Variants in CRTC1 observed in about 807,000 individuals in gnomAD.
The protein encoded by CRTC1 is CREB regulated transcription coactivator 1.
A neutral mutation model predicts 66.1 loss-of-function variants in CRTC1; 18 were observed. That is an observed-to-expected ratio of 0.27 (90% confidence interval 0.19 to 0.40). The LOEUF is 0.40. Among genes scored for constraint, CRTC1 ranks in the 10% least tolerant of loss-of-function variants. The pLI is 1.00. For missense variants in CRTC1, 669 were observed against 887.9 expected (o/e 0.75, Z 3.13); for synonymous variants, 416 against 398.8 (o/e 1.04, Z -0.51).
At chr19:18,776,502 C>T (rs2054991735) in intron 13 of CRTC1, among the ~76,000 whole-genome samples, 1 of 152,200 alleles carries the variant, frequency 6.6e-6, no homozygotes. Context: ...ATTTAGTGCT[C>T]CCCCACTGTG....
At chr19:18,718,984 C>T (rs1022106057) in intron 1 of CRTC1, among the ~76,000 whole-genome samples, 1 of 152,120 alleles carries the variant, frequency 6.6e-6, no homozygotes, top group Non-Finnish European at 1.5e-5. Context: ...GTCTCGGCAG[C>T]CACTTGCAGA....
intron 1 of CRTC1, among the ~76,000 whole-genome samples, chr19:18,714,779 G>A (rs182005119): frequency 5.9e-5 from 9 of 152,292 alleles, no homozygotes; most frequent in Admixed American, 2.6e-4. Context: ...GATGACCCCC[G>A]GGGAACCTCC....
intron 6 of CRTC1, among the ~76,000 whole-genome samples, chr19:18,756,938 A>C (rs543423581): frequency 6.6e-6 from 1 of 152,312 alleles, no homozygotes; most frequent in African/African-American, 2.4e-5. Flanking sequence ...CTCAGAATGA[A>C]GGAGGCTCTG....
chr19:18,781,217 C>G lies in CRTC1; in HGVS notation c.*3835C>G, dbSNP rs1353648908. 4.4e-6 allele frequency: 1 copy of G among 226,752 alleles called. No individual in the cohort carries two copies. The highest frequency in any genetic ancestry group is 8.8e-6 in the Non-Finnish European group (1 of 114,032). The allele number at this position is 226,752 out of a possible 1,614,324, so 14.0% of individuals were successfully genotyped here. On this transcript the variant is annotated 3_prime_UTR_variant, in exon 14 of 14. Coordinates refer to ENST00000321949, the MANE Select transcript of CRTC1 (RefSeq NM_015321.3). ...CGTCACCCACATGTGGTGCCCTGGGCCAGGGCGTGCGGGCGCCAGAGCCTT... is the reference window on the plus strand; with the variant it reads ...CGTCACCCACATGTGGTGCCCTGGGGCAGGGCGTGCGGGCGCCAGAGCCTT...
chr19:18,753,730 C>G, intron 6 of CRTC1, 145 bp downstream of exon 6: 1 of 624,386 alleles, frequency 1.6e-6, no homozygotes, highest in Non-Finnish European at 2.9e-6. Context: ...TCTTCAAATT[C>G]AGAGAATCTG....
intron 1 of CRTC1, among the ~76,000 whole-genome samples, chr19:18,728,669 C>T (rs2053814314): frequency 6.6e-6 from 1 of 151,852 alleles, no homozygotes; most frequent in Non-Finnish European, 1.5e-5. Context: ...CGACACCTAA[C>T]TAATTTTGTA....
In CRTC1 at chr19:18,777,542, G is replaced by A; in HGVS notation, c.*160G>A. On this transcript the variant is annotated 3_prime_UTR_variant, in exon 14 of 14. Transcript: ENST00000321949. This position sits in a 1 kb window ranked among gnomAD's most constrained non-coding sequence, Gnocchi z 5.5. ...GCCCGCCCCCGGTTGTCCACCTCCC[G>A]CGAAGCCCAATCGCGAGGCCGCGAG... is the stretch of plus-strand genomic sequence containing the variant. The A allele has an allele frequency of 7.4e-6, 5 of 677,220 alleles. No individual in the cohort carries two copies. Among genetic ancestry groups the A allele is most frequent in the Non-Finnish European group, 1.2e-5 (5 of 404,194 alleles). The allele number at this position is 677,220 out of a possible 1,614,324, so 42.0% of individuals were successfully genotyped here.
rs556496426 is a variant in CRTC1 at position 18,777,687 on chromosome 19, G to A, written c.*305G>A. The stretch of plus-strand genomic sequence containing the variant: ...CGCCCCCAGCCCCGGGGCCTGAGCC[G>A]TCCCCTGTAAGATGCGGGAAGTGTC... On this transcript the variant is annotated 3_prime_UTR_variant, in exon 14 of 14. Transcript: ENST00000321949. The surrounding 1 kb of genome is among the most constrained non-coding windows in gnomAD (Gnocchi z 5.5). The A allele has an allele frequency of 3.2e-5, 13 of 411,374 alleles. No individual in the cohort carries two copies. The highest frequency in any genetic ancestry group is 2.9e-4 in the East Asian group (6 of 20,706). 25.5% of individuals were successfully genotyped at this position (411,374 alleles called of 1,614,324 possible). A position where few individuals can be genotyped will look rare whatever the true frequency, so the allele number is the denominator to read the frequency against.
chr19:18,745,765 C>T (rs895939313), intron 2 of CRTC1, 58 bp from the exon 3 acceptor site: 1 of 1,607,550 alleles, frequency 6.2e-7, no homozygotes, highest in African/African-American at 1.3e-5. Flanking sequence ...GCTGGGGCCA[C>T]AGCTGGTAAC....
At chr19:18,713,071 C>G (rs2053427745) in intron 1 of CRTC1, among the ~76,000 whole-genome samples, 1 of 151,016 alleles carries the variant, frequency 6.6e-6, no homozygotes, top group African/African-American at 2.4e-5. Context: ...TTTGCCTGTT[C>G]TGGACATTTC....
chr19:18,706,638 A>G (rs2053272910), intron 1 of CRTC1, among the ~76,000 whole-genome samples: 1 of 152,034 alleles, frequency 6.6e-6, no homozygotes, highest in African/African-American at 2.4e-5. Flanking sequence ...TGTCTTGGCT[A>G]TTTGAGGTTT....
chr19:18,704,801 T>C (rs11668971), intron 1 of CRTC1, among the ~76,000 whole-genome samples: 90,010 of 151,888 alleles, frequency 0.59, 28,276 homozygotes, highest in East Asian at 0.9. Flanking sequence ...TTAGTAAGTA[T>C]CCTCACATTG....
chr19:18,768,912 G>A lies in CRTC1; in HGVS notation c.1320+119G>A, dbSNP rs1206562246. The A allele has an allele frequency of 1.7e-5, 22 of 1,291,124 alleles. No individual in the cohort carries two copies. Among genetic ancestry groups the A allele is most frequent in the Admixed American group, 1.5e-4 (5 of 34,414 alleles). The allele number at this position is 1,291,124 out of a possible 1,614,324, so 80.0% of individuals were successfully genotyped here. On this transcript the variant is annotated intron_variant, in intron 10 of 13. Coordinates refer to ENST00000321949, the MANE Select transcript of CRTC1 (RefSeq NM_015321.3). This position sits in a 1 kb window ranked among gnomAD's most constrained non-coding sequence, Gnocchi z 5.6. ...GCCAGGGGTCAGAACCCCAGCGAAC[G>A]CTGCCTGGGCCCACCTCTCCACGGG...
chr19:18,715,749 A>T (rs924340893), intron 1 of CRTC1, among the ~76,000 whole-genome samples: 1 of 152,212 alleles, frequency 6.6e-6, no homozygotes, highest in Non-Finnish European at 1.5e-5. Flanking sequence ...TGCTGTTTGC[A>T]CGTGCAGGTG....
chr19:18,774,838 A>G, intron 11 of CRTC1, 62 bp from the exon 12 acceptor site: 1 of 1,519,192 alleles, frequency 6.6e-7, no homozygotes, highest in Non-Finnish European at 9.1e-7. Flanking sequence ...CGGGCTTGGG[A>G]GGTGCCGACT....
intron 1 of CRTC1, among the ~76,000 whole-genome samples, chr19:18,726,290 G>A (rs774699616): frequency 5.3e-5 from 8 of 152,220 alleles, no homozygotes; most frequent in African/African-American, 1.2e-4. Context: ...CACCGCTGAC[G>A]TGTGCCGGCC....
intron 6 of CRTC1, among the ~76,000 whole-genome samples, chr19:18,759,073 C>T (rs970517490): frequency 6.6e-6 from 1 of 152,174 alleles, no homozygotes; most frequent in African/African-American, 2.4e-5. Context: ...AGTGCAGTGA[C>T]GCGTGCCTAT....
rs1477494942 is a variant in CRTC1 at position 18,760,853 on chromosome 19, A to G, written c.886+625A>G. Among the ~76,000 whole-genome samples the G allele has an allele frequency of 6.7e-6, 1 of 150,058 alleles. No individual in the cohort carries two copies. Among genetic ancestry groups the G allele is most frequent in the Non-Finnish European group, 1.5e-5 (1 of 67,572 alleles). On this transcript the variant is annotated intron_variant, in intron 8 of 13. Coordinates refer to ENST00000321949, the MANE Select transcript of CRTC1 (RefSeq NM_015321.3). The surrounding 1 kb of genome is among the most constrained non-coding windows in gnomAD (Gnocchi z 6.2). The stretch of plus-strand genomic sequence containing the variant: ...CCTTTCCCAGACATGGACCTGACCC[A>G]TTGTCAGCGTGTCCTGTCGGTTCCG...
chr19:18,732,019 C>A (rs73537979), intron 1 of CRTC1, among the ~76,000 whole-genome samples: 2,636 of 152,236 alleles, frequency 0.017, 90 homozygotes, highest in African/African-American at 0.061. Context: ...GGATGTGGGG[C>A]GATTCTGGGC....
Sources: allele counts gnomAD v4.1 joint callset (sites outside exome capture counted in the v4.1 genomes callset), GRCh38; gene constraint gnomAD v4.1.1; non-coding constraint Gnocchi (gnomAD v3.1); transcripts MANE v1.5; gene names NCBI Gene and HGNC (gene_info 2026-07-23, HGNC 2026-07-21).